Variants in NRXN3 observed in about 807,000 individuals in gnomAD.
NRXN3 encodes neurexin III.
In NRXN3, 32 loss-of-function variants were observed where a neutral mutation model predicts 137.6. The observed-to-expected ratio is 0.23, with a 90% CI of 0.18 to 0.31. NRXN3 has a LOEUF of 0.31. Among genes scored for constraint, NRXN3 ranks in the 10% least tolerant of loss-of-function variants. The probability of loss-of-function intolerance (pLI) is 1.00; values close to 1 mark genes in which losing one functional copy is unlikely to be tolerated. For missense variants in NRXN3, 1,574 were observed against 2,062.5 expected (o/e 0.76, Z 4.59); for synonymous variants, 798 against 784.5 (o/e 1.02, Z -0.29).
intron 8 of NRXN3, among the ~76,000 whole-genome samples, chr14:78,769,351 C>G (rs959547031): frequency 2.0e-5 from 3 of 152,156 alleles, no homozygotes; most frequent in African/African-American, 7.2e-5. Flanking sequence ...ATGACCTTGT[C>G]GTAACTTGAT....
At chr14:79,535,432 A>G (rs1324579517) in intron 16 of NRXN3, among the ~76,000 whole-genome samples, 7 of 152,172 alleles carry the variant, frequency 4.6e-5, no homozygotes, top group African/African-American at 9.7e-5. Flanking sequence ...TGAAACCTCC[A>G]GAGTAAAAGG....
chr14:79,230,999 C>T (rs2153276104), intron 15 of NRXN3, among the ~76,000 whole-genome samples: 1 of 152,230 alleles, frequency 6.6e-6, no homozygotes, highest in African/African-American at 2.4e-5. Context: ...TTTAAGGCAC[C>T]TATTTTGTAT....
At chr14:78,399,599 C>A (rs1174805109) in intron 4 of NRXN3, among the ~76,000 whole-genome samples, 1 of 152,172 alleles carries the variant, frequency 6.6e-6, no homozygotes, top group African/African-American at 2.4e-5. Flanking sequence ...TTTTTAAATA[C>A]CAGCCTCTAA....
intron 10 of NRXN3, among the ~76,000 whole-genome samples, chr14:78,813,579 G>T (rs2098921600): frequency 2.0e-5 from 3 of 151,998 alleles, no homozygotes; most frequent in Admixed American, 1.3e-4. Flanking sequence ...TTATAAGTTT[G>T]TGAACTTTTT....
chr14:78,915,361 A>AAAAAAAAC (rs1567691461), intron 10 of NRXN3, among the ~76,000 whole-genome samples: 12 of 148,298 alleles, frequency 8.1e-5, no homozygotes, highest in African/African-American at 2.5e-4. Context: ...AAAAAAAAAA[A>AAAAAAAAC]AAAAAAAAAA....
intron 16 of NRXN3, among the ~76,000 whole-genome samples, chr14:79,631,536 C>G (rs1164867917): frequency 6.6e-6 from 1 of 152,242 alleles, no homozygotes; most frequent in Non-Finnish European, 1.5e-5. Context: ...GCACTGGGCG[C>G]AGCCGGCTGA....
At chr14:79,190,519 A>G (rs1597073886) in intron 15 of NRXN3, among the ~76,000 whole-genome samples, 1 of 152,126 alleles carries the variant, frequency 6.6e-6, no homozygotes, top group East Asian at 1.9e-4. Flanking sequence ...TGCAGGATTC[A>G]TTAGGGTCAT....
chr14:78,526,984 G>T (rs1291690467), intron 4 of NRXN3, among the ~76,000 whole-genome samples: 1 of 152,136 alleles, frequency 6.6e-6, no homozygotes. Context: ...GAGTGAAGTG[G>T]CAATGAGAAA....
Position 78,946,747 on chromosome 14 carries a change from C to T in NRXN3, c.2276-10495C>T, listed in dbSNP as rs74969028. On this transcript the variant is annotated intron_variant, in intron 10 of 20. Transcript: ENST00000335750. ...CTGTTGCACAGAAGTATGAAGACAG[C>T]GCATGGAAATTAGTCCTGTTTGCCA... 1.7e-3 allele frequency among the ~76,000 whole-genome samples: 261 copies of T among 152,190 alleles called. 5 individuals carry two copies. The East Asian group carries it at 0.037, about 21-fold the overall frequency.
chr14:79,064,468 T>C (rs144368855), intron 15 of NRXN3, among the ~76,000 whole-genome samples: 46 of 152,180 alleles, frequency 3.0e-4, no homozygotes, highest in African/African-American at 8.4e-4. Flanking sequence ...GTGTCTCCAA[T>C]TGGTCATATT....
At position 78,584,485 on chromosome 14, in the gene NRXN3, A is replaced by G. The variant is rs563208904; in HGVS notation, c.758-60635A>G. Among the ~76,000 whole-genome samples the G allele has an allele frequency of 2.0e-5, 3 of 152,240 alleles. No individual in the cohort carries two copies. In the South Asian group the frequency reaches 6.2e-4, roughly 32 times the overall value. ...GCTATGGTCCCAAAGGCTGAACATC[A>G]TTGTCCTACAGGAAGGATTTGGTCA... On this transcript the variant is annotated intron_variant, in intron 4 of 20. Coordinates refer to ENST00000335750, the MANE Select transcript of NRXN3 (RefSeq NM_001330195.2).
chr14:78,192,722 A>G (rs1389148100), intron 1 of NRXN3, among the ~76,000 whole-genome samples: 1 of 152,152 alleles, frequency 6.6e-6, no homozygotes, highest in Non-Finnish European at 1.5e-5. Flanking sequence ...TTCCTCTCCT[A>G]GAGAGGGTGG....
At chr14:78,828,031 A>C (rs987592677) in intron 10 of NRXN3, among the ~76,000 whole-genome samples, 4 of 152,174 alleles carry the variant, frequency 2.6e-5, no homozygotes, top group African/African-American at 9.7e-5. Context: ...GACTCTCTGC[A>C]TCTAGTGTTG....
chr14:78,861,822 TCTCA>T (rs1323525606), intron 10 of NRXN3, among the ~76,000 whole-genome samples: 2 of 152,104 alleles, frequency 1.3e-5, no homozygotes, highest in Admixed American at 1.3e-4. Context: ...TTAATCAAGT[TCTCA>T]CTCAGGCTTT....
At chr14:78,174,109 A>G (rs536554518) in intron 1 of NRXN3, among the ~76,000 whole-genome samples, 15 of 152,210 alleles carry the variant, frequency 9.9e-5, no homozygotes, top group African/African-American at 3.4e-4. Context: ...AGGGGATTGG[A>G]ATGGGGGTAG....
At chr14:79,160,579 T>C (rs1024422574) in intron 15 of NRXN3, among the ~76,000 whole-genome samples, 17 of 151,966 alleles carry the variant, frequency 1.1e-4, no homozygotes, top group African/African-American at 3.9e-4. Flanking sequence ...TCTTTGCACA[T>C]GTTCGTGTTG....
chr14:78,369,313 A>G (rs759652176), intron 4 of NRXN3, among the ~76,000 whole-genome samples: 13 of 151,712 alleles, frequency 8.6e-5, no homozygotes, highest in Admixed American at 3.9e-4. Flanking sequence ...CTATTACTAT[A>G]TATGTGAAGA....
chr14:79,219,681 A>G (rs1347064805), intron 15 of NRXN3, among the ~76,000 whole-genome samples: 1 of 152,210 alleles, frequency 6.6e-6, no homozygotes, highest in Non-Finnish European at 1.5e-5. Flanking sequence ...GGGAAAATGC[A>G]AAGATTCACA....
intron 4 of NRXN3, among the ~76,000 whole-genome samples, chr14:78,390,379 A>T (rs1463231509): frequency 6.6e-6 from 1 of 152,222 alleles, no homozygotes; most frequent in Non-Finnish European, 1.5e-5. Context: ...CACAAAGCCT[A>T]ATCTGCTTTG....
Sources: gnomAD v4.1 joint callset for allele counts (sites outside exome capture counted in the v4.1 genomes callset) on GRCh38, gnomAD v4.1.1 for gene constraint, MANE v1.5 for transcripts, NCBI Gene and HGNC (gene_info 2026-07-23, HGNC 2026-07-21) for gene names.